ZFHX3: variants seen among roughly 807,000 people sequenced by gnomAD.
ZFHX3 encodes zinc finger homeobox protein 3.
Under a neutral mutation model 279.1 loss-of-function variants are expected in ZFHX3, and 42 were observed. That is an observed-to-expected ratio of 0.15 (90% CI 0.12 to 0.19). The LOEUF (loss-of-function observed/expected upper bound fraction) is 0.19, where lower values mean the gene tolerates loss of function less well. Ranked by LOEUF, ZFHX3 falls within the 10% of genes least tolerant of loss-of-function variation. The pLI, the probability that ZFHX3 is intolerant of heterozygous loss-of-function variation, is 1.00. For synonymous variants in ZFHX3, 2,293 were observed against 1,957.8 expected, an observed-to-expected ratio of 1.17 and a Z score of -4.52; for missense variants, 4,981 against 4,754.0, an observed-to-expected ratio of 1.05 and a Z score of -1.40.
chr16:73,497,664 T>C (rs1455947764), intron 2 of ZFHX3, among the ~76,000 whole-genome samples: 4 of 152,124 alleles, frequency 2.6e-5, no homozygotes, highest in Non-Finnish European at 5.9e-5. Context: ...AGCAAGACCC[T>C]GTCTTAAAAA....
intron 1 of ZFHX3, among the ~76,000 whole-genome samples, chr16:73,027,859 A>G (rs1263098191): frequency 6.6e-6 from 1 of 152,158 alleles, no homozygotes; most frequent in African/African-American, 2.4e-5. Context: ...CCTGTGATAT[A>G]CTGCCCCTCC....
At chr16:72,897,925 C>T (rs577199556) in intron 3 of ZFHX3, among the ~76,000 whole-genome samples, 11 of 152,292 alleles carry the variant, frequency 7.2e-5, no homozygotes, top group African/African-American at 1.4e-4. Context: ...CGCCAAGCTA[C>T]GCTGCACAGA....
At chr16:73,629,994 G>C (rs957638910) in intron 2 of ZFHX3, among the ~76,000 whole-genome samples, 7 of 151,992 alleles carry the variant, frequency 4.6e-5, no homozygotes, top group African/African-American at 1.7e-4. Flanking sequence ...GTAGCATTTG[G>C]CTAATGAGTC....
chr16:73,816,632 G>A (rs1017399574), intron 1 of ZFHX3, among the ~76,000 whole-genome samples: 2 of 152,186 alleles, frequency 1.3e-5, no homozygotes, highest in African/African-American at 2.4e-5. Context: ...AAAGAGATGG[G>A]GGGGGAGAGA....
At chr16:73,375,209 T>C (rs910121035) in intron 3 of ZFHX3, among the ~76,000 whole-genome samples, 3 of 152,218 alleles carry the variant, frequency 2.0e-5, no homozygotes, top group African/African-American at 7.2e-5. Context: ...GATTTAAACA[T>C]ATTTGATCTG....
intron 2 of ZFHX3, among the ~76,000 whole-genome samples, chr16:73,603,676 A>G (rs2052147074): frequency 6.6e-6 from 1 of 152,114 alleles, no homozygotes; most frequent in Admixed American, 6.6e-5. Flanking sequence ...TACATGGCCA[A>G]CACTCGGAGA....
intron 5 of ZFHX3, among the ~76,000 whole-genome samples, chr16:73,176,208 C>T (rs746090393): frequency 7.9e-5 from 12 of 152,150 alleles, no homozygotes; most frequent in South Asian, 2.1e-4. Flanking sequence ...GAATATGTAA[C>T]GCCCAGAATA....
intron 1 of ZFHX3, chr16:73,809,454 G>C (rs947403210): frequency 1.6e-4 from 24 of 152,226 alleles, no homozygotes; most frequent in Admixed American, 1.6e-3. Flanking sequence ...GGTTAGAGCA[G>C]GTGGCATCAT....
At chr16:73,727,804 C>T (rs1433940028) in intron 1 of ZFHX3, among the ~76,000 whole-genome samples, 1 of 152,152 alleles carries the variant, frequency 6.6e-6, no homozygotes, top group African/African-American at 2.4e-5. Flanking sequence ...GGACACAACT[C>T]TCTGCCTGGG....
intron 5 of ZFHX3, among the ~76,000 whole-genome samples, chr16:73,245,623 G>T (rs567291970): frequency 6.6e-6 from 1 of 152,340 alleles, no homozygotes; most frequent in African/African-American, 2.4e-5. Context: ...TTCCAAAGAC[G>T]TAGGGCTCCT....
intron 5 of ZFHX3, among the ~76,000 whole-genome samples, chr16:73,147,858 C>CGA (rs1966874088): frequency 1.3e-5 from 2 of 152,168 alleles, no homozygotes; most frequent in South Asian, 4.2e-4. Flanking sequence ...GGTGACAGAG[C>CGA]GAGATCCTCT....
intron 1 of ZFHX3, among the ~76,000 whole-genome samples, chr16:73,756,798 A>T (rs1427606280): frequency 7.3e-6 from 1 of 136,518 alleles, no homozygotes; most frequent in Non-Finnish European, 1.5e-5. Flanking sequence ...TCAAGCCCCT[A>T]TTGTGTGTAT....
At chr16:73,069,222 C>T (rs543733693) in intron 8 of ZFHX3, among the ~76,000 whole-genome samples, 21 of 152,236 alleles carry the variant, frequency 1.4e-4, no homozygotes, top group Non-Finnish European at 3.1e-4. Context: ...TTGAGAGTGA[C>T]GTATTTTGTT....
At chr16:72,870,958 G>A (rs1001492317) in intron 4 of ZFHX3, among the ~76,000 whole-genome samples, 2 of 152,128 alleles carry the variant, frequency 1.3e-5, no homozygotes, top group African/African-American at 4.8e-5. Flanking sequence ...GGCACCATGT[G>A]TGAAATTTAC....
intron 5 of ZFHX3, among the ~76,000 whole-genome samples, chr16:73,212,032 A>T (rs991328674): frequency 6.6e-6 from 1 of 152,210 alleles, no homozygotes; most frequent in Non-Finnish European, 1.5e-5. Context: ...TTAGACTGAA[A>T]TTGACCCTGA....
intron 5 of ZFHX3, among the ~76,000 whole-genome samples, chr16:73,182,429 C>T (rs1320459732): frequency 1.3e-5 from 2 of 152,176 alleles, no homozygotes; most frequent in Admixed American, 6.5e-5. Flanking sequence ...TGCATTCCAG[C>T]CCAGGTGGCA....
At chr16:73,258,381 G>A (rs1265249679) in intron 4 of ZFHX3, among the ~76,000 whole-genome samples, 1 of 148,524 alleles carries the variant, frequency 6.7e-6, no homozygotes, top group African/African-American at 2.6e-5. Context: ...ACAGGGTCTC[G>A]CTCTGTCTCC....
intron 1 of ZFHX3, among the ~76,000 whole-genome samples, chr16:73,009,813 G>A (rs1467643642): frequency 2.0e-5 from 3 of 152,060 alleles, no homozygotes; most frequent in South Asian, 4.1e-4. Context: ...TTGAGGTCAG[G>A]AGTTCGAGAC....
At chr16:73,890,959 G>C (rs571171007) in intron 1 of ZFHX3, among the ~76,000 whole-genome samples, 2 of 151,646 alleles carry the variant, frequency 1.3e-5, no homozygotes, top group African/African-American at 2.4e-5. Flanking sequence ...CAGAAGAGGC[G>C]CTCCCCTCTC....
Sources: gnomAD v4.1 joint callset for allele counts (sites outside exome capture counted in the v4.1 genomes callset) on GRCh38, gnomAD v4.1.1 for gene constraint, MANE v1.5 for transcripts, NCBI Gene and HGNC (gene_info 2026-07-23, HGNC 2026-07-21) for gene names.